MPP7: variants seen among roughly 807,000 people sequenced by gnomAD.
MPP7 encodes the protein MAGUK p55 subfamily member 7.
MPP7 carries 60 observed loss-of-function variants against 76.5 expected under a neutral mutation model. That is an observed-to-expected ratio of 0.78 (90% CI 0.64 to 0.97). The LOEUF (loss-of-function observed/expected upper bound fraction) is 0.97. Ranked by LOEUF, MPP7 falls within the 50% of genes least tolerant of loss-of-function variation. The probability of loss-of-function intolerance (pLI) is 0.00; values close to 1 mark genes in which losing one functional copy is unlikely to be tolerated. For synonymous variants in MPP7, 237 were observed against 244.5 expected (o/e 0.97, Z 0.29); for missense variants, 641 against 694.0 (o/e 0.92, Z 0.86).
chr10:28,205,078 T>A (rs1382642892), intron 2 of MPP7, among the ~76,000 whole-genome samples: 2 of 152,194 alleles, frequency 1.3e-5, no homozygotes, highest in African/African-American at 2.4e-5. Flanking sequence ...CCACCACAGT[T>A]TGGCACTCTA....
chr10:28,333,887 T>C (rs1483831532), intron 1 of MPP7, among the ~76,000 whole-genome samples: 4 of 151,972 alleles, frequency 2.6e-5, no homozygotes, highest in African/African-American at 9.7e-5. Flanking sequence ...GGCTGCACAG[T>C]GGAGACATAA....
intron 11 of MPP7, among the ~76,000 whole-genome samples, chr10:28,112,966 T>C (rs1350232976): frequency 6.6e-6 from 1 of 152,206 alleles, no homozygotes. Flanking sequence ...CTTCAAGCTC[T>C]CTGCCTCCTC....
chr10:28,118,592 A>T lies in MPP7; in HGVS notation c.952+1059T>A, dbSNP rs891759331. On this transcript the variant is annotated intron_variant, in intron 11 of 16. Coordinates refer to ENST00000683449, the MANE Select transcript of MPP7 (RefSeq NM_001318170.2). Reference sequence around the variant, plus strand: ...AGTCATCACGCTTAAGAACAGTGCAATATTCTCACGAAAGCTTTAAGTTTT... The same window carrying T: ...AGTCATCACGCTTAAGAACAGTGCATTATTCTCACGAAAGCTTTAAGTTTT... 41 of 985,282 alleles carry T rather than the reference A, an allele frequency of 4.2e-5. No homozygotes were observed. In the African/African-American group the frequency reaches 5.4e-4, roughly 13 times the overall value. 61.0% of individuals were successfully genotyped at this position (985,282 alleles called of 1,614,324 possible).
chr10:28,093,072 C>T (rs773880571), intron 11 of MPP7, among the ~76,000 whole-genome samples: 17 of 152,208 alleles, frequency 1.1e-4, no homozygotes, highest in Non-Finnish European at 2.1e-4. Flanking sequence ...AGTATTAGCA[C>T]GGCTTCTGGT....
intron 5 of MPP7, among the ~76,000 whole-genome samples, chr10:28,140,350 A>G (rs1835475528): frequency 6.6e-6 from 1 of 152,100 alleles, no homozygotes; most frequent in African/African-American, 2.4e-5. Flanking sequence ...AATCTCTACT[A>G]AAAACACAAA....
chr10:28,064,977 T>C (rs1314847452), intron 13 of MPP7, among the ~76,000 whole-genome samples: 1 of 152,214 alleles, frequency 6.6e-6, no homozygotes, highest in Non-Finnish European at 1.5e-5. Flanking sequence ...ACATGAGATA[T>C]ATTAAAATTA....
intron 13 of MPP7, among the ~76,000 whole-genome samples, chr10:28,065,935 T>C (rs971752909): frequency 2.0e-5 from 3 of 152,208 alleles, no homozygotes; most frequent in Non-Finnish European, 4.4e-5. Flanking sequence ...ATGTCTACCA[T>C]AATAATTTTT....
chr10:28,157,466 A>C (rs1836105469), intron 3 of MPP7, among the ~76,000 whole-genome samples: 1 of 152,220 alleles, frequency 6.6e-6, no homozygotes, highest in South Asian at 2.1e-4. Context: ...TGACTATTAG[A>C]CAGGAATCAG....
At chr10:28,316,159 G>A (rs1218251687) in intron 2 of MPP7, among the ~76,000 whole-genome samples, 3 of 152,068 alleles carry the variant, frequency 2.0e-5, no homozygotes, top group East Asian at 1.9e-4. Flanking sequence ...AAATGTGGCC[G>A]GACATGGTGG....
intron 1 of MPP7, among the ~76,000 whole-genome samples, chr10:28,297,164 G>A (rs1019941459): frequency 6.6e-6 from 1 of 152,196 alleles, no homozygotes; most frequent in Non-Finnish European, 1.5e-5. Context: ...AAATGTTTCT[G>A]CTTTCCAAGT....
At position 28,058,580 on chromosome 10, in the gene MPP7, T is replaced by C; in HGVS notation, c.1322A>G (p.Lys441Arg). ...NNKFIEYGEY[K>R]NNYYGTSIDS... ...TATACTTGTGCCGTAGTAGTTGTTTTTATATTCTCCATATTCAATAAACCT... is the reference window on the plus strand; with the variant it reads ...TATACTTGTGCCGTAGTAGTTGTTTCTATATTCTCCATATTCAATAAACCT... Residue 441 changes from lysine (K) to arginine (R), a missense_variant, in exon 15 of 17, where the codon AAA becomes AGA. By Grantham distance (26) the Lys-to-Arg change is conservative. Transcript: ENST00000683449. 1 of 1,597,250 alleles carries C rather than the reference T, an allele frequency of 6.3e-7. No homozygotes were observed. The highest frequency in any genetic ancestry group is 1.3e-5 in the African/African-American group (1 of 74,524).
chr10:28,089,878 C>T, intron 11 of MPP7, 37 bp from the exon 12 acceptor site: 1 of 1,088,924 alleles, frequency 9.2e-7, no homozygotes, highest in Non-Finnish European at 1.3e-6. Context: ...TTAGTAACAT[C>T]AACCAAAAAA....
At chr10:28,177,010 A>G (rs1439988790) in intron 3 of MPP7, among the ~76,000 whole-genome samples, 2 of 151,600 alleles carry the variant, frequency 1.3e-5, no homozygotes, top group African/African-American at 2.4e-5. Flanking sequence ...CATGTACCCT[A>G]GAACTTAAAG....
At chr10:28,152,546 A>C (rs562294243) in intron 3 of MPP7, among the ~76,000 whole-genome samples, 1 of 152,318 alleles carries the variant, frequency 6.6e-6, no homozygotes, top group East Asian at 1.9e-4. Flanking sequence ...GTGATGGTGA[A>C]AATGTTTTAT....
At chr10:28,305,640 C>T (rs1438687716), upstream of MPP7, 12 of 152,160 alleles carry the variant, frequency 7.9e-5, no homozygotes, top group African/African-American at 2.9e-4. Flanking sequence ...GGAGCCATCC[C>T]AGAGAAAAGG....
chr10:28,136,001 G>C (rs1835342132), intron 5 of MPP7, among the ~76,000 whole-genome samples: 1 of 151,994 alleles, frequency 6.6e-6, no homozygotes, highest in African/African-American at 2.4e-5. Context: ...TACCACCTGA[G>C]CTCTGCCTCC....
At chr10:28,134,112 A>G (rs1237905740) in intron 5 of MPP7, among the ~76,000 whole-genome samples, 1 of 152,206 alleles carries the variant, frequency 6.6e-6, no homozygotes, top group Admixed American at 6.5e-5. Flanking sequence ...AGCCCATTCA[A>G]AATTAGTAGC....
intron 13 of MPP7, among the ~76,000 whole-genome samples, chr10:28,062,705 C>A (rs1206315239): frequency 6.6e-6 from 1 of 152,086 alleles, no homozygotes; most frequent in Non-Finnish European, 1.5e-5. Context: ...ACACCATTCA[C>A]AACAGTCTCA....
chr10:28,076,559 A>G (rs1852491986), intron 12 of MPP7, among the ~76,000 whole-genome samples: 2 of 152,070 alleles, frequency 1.3e-5, no homozygotes, highest in Admixed American at 6.6e-5. Flanking sequence ...ACACACACAC[A>G]GAAGCAAACA....
Sources: allele counts gnomAD v4.1 joint callset (sites outside exome capture counted in the v4.1 genomes callset), GRCh38; gene constraint gnomAD v4.1.1; transcripts MANE v1.5; gene names NCBI Gene and HGNC (gene_info 2026-07-23, HGNC 2026-07-21).